The following CPSF4L variants were observed in gnomAD, a reference collection of about 807,000 sequenced individuals.
The protein encoded by CPSF4L is cleavage and polyadenylation specific factor 4 like, also known as putative cleavage and polyadenylation specificity factor subunit 4-like protein.
A neutral mutation model predicts 24.0 loss-of-function variants in CPSF4L; 18 were observed. That is an observed-to-expected ratio of 0.75 (90% CI 0.52 to 1.11). CPSF4L has a LOEUF of 1.11. Among genes scored for constraint, CPSF4L ranks in the 50% least tolerant of loss-of-function variants. The pLI, the probability that CPSF4L is intolerant of heterozygous loss-of-function variation, is 0.00. For synonymous variants in CPSF4L, 72 were observed against 77.2 expected (o/e 0.93, Z 0.35); for missense variants, 211 against 221.8 (o/e 0.95, Z 0.31).
intron 3 of CPSF4L, among the ~76,000 whole-genome samples, chr17:73,257,328 T>C (rs374862206): frequency 7.2e-5 from 11 of 152,206 alleles, no homozygotes; most frequent in African/African-American, 2.6e-4. Flanking sequence ...GAAGGCCTGA[T>C]ATTCGAGAAG....
At chr17:73,244,712 A>G (rs2061918596), downstream of CPSF4L, 1 of 153,106 alleles carries the variant, frequency 6.5e-6, no homozygotes, top group Non-Finnish European at 1.5e-5. Context: ...TTAAGAAAAA[A>G]AAAAATCACA....
chr17:73,255,294 G>A lies in CPSF4L; in HGVS notation c.308-1268C>T, dbSNP rs988126355. On this transcript the variant is annotated intron_variant, in intron 3 of 5. Transcript: ENST00000344935. ...GTGGTGATCCTTAGGATCACCTGAG[G>A]TCAGGAGTTTGAGACCAGACTGGCC... 5.9e-5 allele frequency among the ~76,000 whole-genome samples: 9 copies of A among 152,028 alleles called. No individual in the cohort carries two copies. The South Asian group carries it at 1.2e-3, about 21-fold the overall frequency.
At chr17:73,244,032 A>G (rs934030434), downstream of CPSF4L, among the ~76,000 whole-genome samples, 35 of 152,222 alleles carry the variant, frequency 2.3e-4, no homozygotes, top group African/African-American at 7.0e-4. Flanking sequence ...TTGCTATCTC[A>G]GTTAATCTAC....
chr17:73,250,679 G>A (rs777152288), intron 5 of CPSF4L, among the ~76,000 whole-genome samples: 2 of 152,106 alleles, frequency 1.3e-5, no homozygotes, highest in Non-Finnish European at 2.9e-5. Context: ...CAGGTGATAC[G>A]TTCCCTCCCT....
At chr17:73,248,320 T>C (rs1387948383), downstream of CPSF4L, 1 of 630,446 alleles carries the variant, frequency 1.6e-6, no homozygotes. Context: ...GCGGGGTAAC[T>C]ACTCATCTCT....
Position 73,257,678 on chromosome 17 carries a change from T to C in CPSF4L, c.307+3A>G. On this transcript the variant is annotated splice_donor_region_variant and intron_variant, in intron 3 of 5. Transcript: ENST00000344935. ...GAGGCACCGAGCCAGGAAGAGGCCT[T>C]ACCAAACTTGGAGTAGAAGTAGCAC... 1 of 1,551,392 alleles carries C rather than the reference T, an allele frequency of 6.4e-7. No individual in the cohort carries two copies. The highest frequency in any genetic ancestry group is 8.7e-7 in the Non-Finnish European group (1 of 1,146,902).
In CPSF4L at chr17:73,252,703, G is replaced by A. The variant is rs763239761; in HGVS notation, c.424C>T (p.His142Tyr). The A allele has an allele frequency of 3.4e-5, 52 of 1,550,896 alleles. No individual in the cohort carries two copies. Among genetic ancestry groups the A allele is most frequent in the Admixed American group, 2.0e-5 (1 of 50,918 alleles). Residue 142 changes from histidine to tyrosine, a missense_variant, in exon 5 of 6, where the codon CAT (histidine) becomes TAT (tyrosine). Physicochemically the swap from His to Tyr is moderately conservative, Grantham distance 83 (BLOSUM62 2). Transcript: ENST00000344935. The part of the protein sequence containing the change: ...CKDGPLCKYR[H>Y]VPRIMCLNYL... ...TTGAGACACATTATTCTGGGGACAT[G>A]GCGGTATTTACACAGAGGACCTGCT... is the stretch of plus-strand genomic sequence containing the variant.
At chr17:73,243,565 C>T (rs1287345354), downstream of CPSF4L, among the ~76,000 whole-genome samples, 222 of 120,974 alleles carry the variant, frequency 1.8e-3, no homozygotes, top group African/African-American at 5.9e-3. Flanking sequence ...TTTTTTTTTT[C>T]CCACCCAGGC....
the CPSF4L span, chr17:73,242,424 TAAGC>T: frequency 1.0e-6 from 1 of 995,388 alleles, no homozygotes; most frequent in South Asian, 1.7e-5. Context: ...TTCGGGCTGT[TAAGC>T]AAGGCTAAAG....
downstream of CPSF4L, chr17:73,247,630 C>T (rs1285599896): frequency 7.2e-6 from 2 of 279,698 alleles, no homozygotes; most frequent in African/African-American, 2.2e-5. Flanking sequence ...TTTAATGATC[C>T]ATGAGTCCTA....
upstream of CPSF4L, chr17:73,262,429 C>T (rs1235606212): frequency 6.6e-6 from 1 of 152,396 alleles, no homozygotes; most frequent in African/African-American, 2.4e-5. Context: ...AGGAGAGGAA[C>T]TGAAACAGTT....
downstream of CPSF4L, chr17:73,245,834 T>C (rs2061942945): frequency 1.8e-6 from 1 of 568,220 alleles, no homozygotes; most frequent in Non-Finnish European, 2.2e-6. Context: ...AGTATAATAA[T>C]GAACCGGTGG....
chr17:73,245,109 A>G, downstream of CPSF4L: 1 of 1,516,772 alleles, frequency 6.6e-7, no homozygotes, highest in Non-Finnish European at 9.1e-7. Flanking sequence ...GGCAAAAGAT[A>G]GTAACAGTCA....
downstream of CPSF4L, chr17:73,248,248 C>T: frequency 2.1e-6 from 1 of 486,946 alleles, no homozygotes; most frequent in Non-Finnish European, 3.7e-6. Flanking sequence ...CAAGACTCCT[C>T]AGAACGAATA....
chr17:73,251,160 C>T (rs1380542502), intron 5 of CPSF4L: 2 of 1,439,622 alleles, frequency 1.4e-6, no homozygotes, highest in Non-Finnish European at 1.8e-6. Context: ...TGTGTGCAGA[C>T]ACCAACTTCA....
intron 5 of CPSF4L, among the ~76,000 whole-genome samples, chr17:73,249,504 A>G (rs1313375151): frequency 6.6e-6 from 1 of 152,092 alleles, no homozygotes; most frequent in East Asian, 1.9e-4. Flanking sequence ...CCTGGGCTCC[A>G]TTCTTTTAGA....
At chr17:73,261,476 A>G (rs906018601) in intron 1 of CPSF4L, among the ~76,000 whole-genome samples, 8 of 152,120 alleles carry the variant, frequency 5.3e-5, no homozygotes, top group Non-Finnish European at 7.4e-5. Context: ...CCTGGCTAAC[A>G]TGGTGAAACC....
chr17:73,259,932 T>G (rs2062039073), intron 2 of CPSF4L, among the ~76,000 whole-genome samples: 1 of 152,206 alleles, frequency 6.6e-6, no homozygotes, highest in Non-Finnish European at 1.5e-5. Flanking sequence ...CAGTTTTTTT[T>G]GGCAATTGTA....
chr17:73,250,851 C>G (rs1171091679), intron 5 of CPSF4L: 6 of 683,626 alleles, frequency 8.8e-6, no homozygotes, highest in Non-Finnish European at 1.4e-5. Flanking sequence ...TCCTCTCATT[C>G]TCCCCTAATT....
Sources: allele counts gnomAD v4.1 joint callset (sites outside exome capture counted in the v4.1 genomes callset), GRCh38; gene constraint gnomAD v4.1.1; transcripts MANE v1.5; gene names NCBI Gene and HGNC (gene_info 2026-07-23, HGNC 2026-07-21).